Variants in ADAMTSL1 observed in about 807,000 individuals in gnomAD.
ADAMTSL1 encodes ADAMTS-like protein 1.
A neutral mutation model predicts 201.8 loss-of-function variants in ADAMTSL1; 126 were observed. The observed-to-expected ratio is 0.62, with a 90% CI of 0.54 to 0.72. The LOEUF (loss-of-function observed/expected upper bound fraction) is 0.72, where lower values mean the gene tolerates loss of function less well. ADAMTSL1 is among the 30% of genes least tolerant of loss of function. The pLI is 0.00. For synonymous variants in ADAMTSL1, 1,121 were observed against 903.4 expected (o/e 1.24, Z -4.32); for missense variants, 2,679 against 2,277.8 (o/e 1.18, Z -3.59).
At chr9:18,691,717 G>A (rs1831230620) in intron 13 of ADAMTSL1, among the ~76,000 whole-genome samples, 1 of 152,174 alleles carries the variant, frequency 6.6e-6, no homozygotes, top group Non-Finnish European at 1.5e-5. Flanking sequence ...CCCAGGGACA[G>A]AGAGCTTGTG....
chr9:18,121,794 G>A (rs1347892859), intron 1 of ADAMTSL1, among the ~76,000 whole-genome samples: 1 of 152,180 alleles, frequency 6.6e-6, no homozygotes, highest in South Asian at 2.1e-4. Flanking sequence ...TGAAATTGTG[G>A]TGAGTTTCCT....
chr9:18,789,216 C>A (rs1269786637), intron 19 of ADAMTSL1, among the ~76,000 whole-genome samples: 2 of 152,150 alleles, frequency 1.3e-5, no homozygotes, highest in Admixed American at 1.3e-4. Context: ...GTAACAAAAT[C>A]ATAATCACCT....
intron 17 of ADAMTSL1, among the ~76,000 whole-genome samples, chr9:18,773,549 A>G (rs1294796587): frequency 6.6e-6 from 1 of 152,248 alleles, no homozygotes; most frequent in Admixed American, 6.5e-5. Context: ...AGATAAAATT[A>G]GAGCTGTTTT....
intron 20 of ADAMTSL1, among the ~76,000 whole-genome samples, chr9:18,815,521 T>C: frequency 6.7e-6 from 1 of 150,174 alleles, no homozygotes; most frequent in Non-Finnish European, 1.5e-5. Flanking sequence ...AAACCCTGTA[T>C]CTACAAAAAA....
intron 2 of ADAMTSL1, among the ~76,000 whole-genome samples, chr9:18,404,311 G>A (rs553007026): frequency 1.3e-5 from 2 of 152,238 alleles, no homozygotes; most frequent in Non-Finnish European, 2.9e-5. Context: ...TCTTCATGAT[G>A]TACTACCAAA....
chr9:18,428,753 G>T (rs1174906348), intron 2 of ADAMTSL1, among the ~76,000 whole-genome samples: 1 of 152,154 alleles, frequency 6.6e-6, no homozygotes, highest in African/African-American at 2.4e-5. Context: ...TTTCTTTAAT[G>T]TGCATAAATA....
intron 4 of ADAMTSL1, among the ~76,000 whole-genome samples, chr9:18,621,135 G>A (rs1187188856): frequency 6.6e-6 from 1 of 152,106 alleles, no homozygotes; most frequent in African/African-American, 2.4e-5. Context: ...TTGTCAAAGA[G>A]AGTAATTGAA....
chr9:18,902,694 T>C (rs952520739), intron 26 of ADAMTSL1, among the ~76,000 whole-genome samples: 6 of 152,060 alleles, frequency 3.9e-5, no homozygotes, highest in Non-Finnish European at 8.8e-5. Flanking sequence ...CTTAAAAATT[T>C]ATAGAAAATG....
At chr9:18,748,999 C>T (rs1285759946) in intron 15 of ADAMTSL1, among the ~76,000 whole-genome samples, 1 of 152,198 alleles carries the variant, frequency 6.6e-6, no homozygotes, top group Non-Finnish European at 1.5e-5. Context: ...ATGCATCGCT[C>T]CAGTCTCTGG....
At chr9:18,320,420 C>T (rs545595011) in intron 2 of ADAMTSL1, among the ~76,000 whole-genome samples, 3 of 152,134 alleles carry the variant, frequency 2.0e-5, no homozygotes, top group Non-Finnish European at 2.9e-5. Context: ...ACAAAAACAT[C>T]CTTCATAAAT....
Position 17,947,687 on chromosome 9 carries a change from C to T in ADAMTSL1, c.87+40765C>T, listed in dbSNP as rs75662390. Among the ~76,000 whole-genome samples the T allele has an allele frequency of 4.7e-3, 715 of 152,202 alleles. 10 individuals are homozygous for T. Among genetic ancestry groups the T allele is most frequent in the African/African-American group, 0.016 (675 of 41,538 alleles). ...TGATTATTGGCATTTATTTAACTGACGTTTTTGAAGCATCTGATGACAGTG... is the reference window on the plus strand; with the variant it reads ...TGATTATTGGCATTTATTTAACTGATGTTTTTGAAGCATCTGATGACAGTG... On this transcript the variant is annotated intron_variant, in intron 1 of 29. Transcript: ENST00000680146.
intron 1 of ADAMTSL1, among the ~76,000 whole-genome samples, chr9:17,977,174 T>A (rs1404394609): frequency 6.6e-6 from 1 of 152,102 alleles, no homozygotes; most frequent in Non-Finnish European, 1.5e-5. Flanking sequence ...GAGATGAATC[T>A]CACTTGATCA....
At chr9:18,146,796 G>GTA (rs2132027399) in intron 1 of ADAMTSL1, among the ~76,000 whole-genome samples, 1 of 152,182 alleles carries the variant, frequency 6.6e-6, no homozygotes, top group Non-Finnish European at 1.5e-5. Flanking sequence ...TTTATAGTCT[G>GTA]TATATACTTC....
chr9:18,790,518 C>T lies in ADAMTSL1; in HGVS notation c.3678-4879C>T, dbSNP rs78060252. 2.0e-4 allele frequency among the ~76,000 whole-genome samples: 30 copies of T among 152,236 alleles called. No individual in the cohort carries two copies. In the East Asian group the frequency reaches 5.2e-3, roughly 27 times the overall value. On this transcript the variant is annotated intron_variant, in intron 19 of 28. Coordinates refer to ENST00000380548, the MANE Select transcript of ADAMTSL1 (RefSeq NM_001040272.6). ...AGCTGCCTTTGTTTCAAATAAGAGC[C>T]CTTAAGCACTACACATTCCAAATGC... is the stretch of plus-strand genomic sequence containing the variant.
intron 20 of ADAMTSL1, chr9:18,796,907 T>G (rs879555449): frequency 2.0e-5 from 3 of 152,260 alleles, no homozygotes; most frequent in Non-Finnish European, 4.4e-5. Context: ...TGGCAGATAG[T>G]GGCTCTTGCA....
At chr9:17,963,743 C>G (rs1817854130) in intron 1 of ADAMTSL1, among the ~76,000 whole-genome samples, 1 of 152,130 alleles carries the variant, frequency 6.6e-6, no homozygotes, top group South Asian at 2.1e-4. Context: ...CTTTGTCCCT[C>G]TAGCCTAACA....
At chr9:18,836,767 A>AT (rs1164121455) in intron 23 of ADAMTSL1, among the ~76,000 whole-genome samples, 4 of 152,092 alleles carry the variant, frequency 2.6e-5, no homozygotes, top group Non-Finnish European at 5.9e-5. Flanking sequence ...GTCATCTATG[A>AT]TTTCTTTCAG....
At chr9:18,280,908 C>A (rs1430225298) in intron 2 of ADAMTSL1, among the ~76,000 whole-genome samples, 2 of 142,100 alleles carry the variant, frequency 1.4e-5, no homozygotes, top group African/African-American at 5.2e-5. Flanking sequence ...CAAGGTCTCA[C>A]TCTGTCACCC....
At chr9:18,199,911 T>G (rs1829363465) in intron 2 of ADAMTSL1, among the ~76,000 whole-genome samples, 1 of 152,106 alleles carries the variant, frequency 6.6e-6, no homozygotes, top group Non-Finnish European at 1.5e-5. Context: ...CTGTTAGATT[T>G]GTTATCTGCA....
Sources: gnomAD v4.1 joint callset for allele counts (sites outside exome capture counted in the v4.1 genomes callset) on GRCh38, gnomAD v4.1.1 for gene constraint, MANE v1.5 for transcripts, NCBI Gene and HGNC (gene_info 2026-07-23, HGNC 2026-07-21) for gene names.